Variants in BCL9 observed in about 807,000 individuals in gnomAD.
BCL9 encodes BCL9 transcription coactivator.
BCL9 carries 25 observed loss-of-function variants against 88.5 expected under a neutral mutation model. The observed-to-expected ratio is 0.28, with a 90% confidence interval of 0.21 to 0.39. The LOEUF (loss-of-function observed/expected upper bound fraction) is 0.39. Ranked by LOEUF, BCL9 falls within the 10% of genes least tolerant of loss-of-function variation. The pLI is 1.00. For synonymous variants in BCL9, 711 were observed against 673.3 expected, an observed-to-expected ratio of 1.06 and a Z score of -0.87; for missense variants, 1,817 against 1,877.8, an observed-to-expected ratio of 0.97 and a Z score of 0.60.
Position 147,624,836 on chromosome 1 carries a change from C to T in BCL9, c.4158C>T (p.Gly1386=), listed in dbSNP as rs145861231. The stretch of plus-strand genomic sequence containing the variant: ...CAGGCATGATGATGTCCATGCAGGG[C>T]ATGATGGGACCCCAACAGAACATCA... The part of the protein sequence containing the change: ...GSPGMMMSMQ[G]MMGPQQNIMI... Residue 1386 remains glycine (G), a synonymous_variant, in exon 10 of 10, where the codon GGC becomes GGT. Transcript: ENST00000234739. The surrounding 1 kb of genome is among the most constrained non-coding windows in gnomAD (Gnocchi z 4.4). 15 of 1,614,000 alleles carry T rather than the reference C, an allele frequency of 9.3e-6. No homozygotes were observed. The African/African-American group carries it at 1.9e-4, about 20-fold the overall frequency.
At chr1:147,549,635 G>A (rs1553194609) in intron 1 of BCL9, among the ~76,000 whole-genome samples, 1 of 152,150 alleles carries the variant, frequency 6.6e-6, no homozygotes, top group African/African-American at 2.4e-5. Context: ...GGTTTTAAGT[G>A]CTAAACCCTC....
intron 1 of BCL9, among the ~76,000 whole-genome samples, chr1:147,549,447 G>A (rs1654788949): frequency 1.3e-5 from 2 of 152,060 alleles, no homozygotes; most frequent in Non-Finnish European, 2.9e-5. Context: ...TAATATTTAG[G>A]TAGTAGCTAA....
At chr1:147,555,747 A>G (rs2101484178) in intron 1 of BCL9, among the ~76,000 whole-genome samples, 1 of 152,270 alleles carries the variant, frequency 6.6e-6, no homozygotes, top group South Asian at 2.1e-4. Flanking sequence ...TCTTAAAGAC[A>G]TTTGTGGGGC....
chr1:147,546,032 T>G (rs1654557759), intron 1 of BCL9, among the ~76,000 whole-genome samples: 1 of 152,174 alleles, frequency 6.6e-6, no homozygotes, highest in South Asian at 2.1e-4. Flanking sequence ...ACGTGTTGAC[T>G]TGGCATTAAA....
At chr1:147,550,149 C>G (rs1654819639) in intron 1 of BCL9, among the ~76,000 whole-genome samples, 1 of 152,232 alleles carries the variant, frequency 6.6e-6, no homozygotes, top group Middle Eastern at 3.4e-3. Flanking sequence ...GGTTCTTAGC[C>G]AGCTTAAGGT....
At chr1:147,601,967 A>C (rs587644881) in intron 1 of BCL9, among the ~76,000 whole-genome samples, 4 of 152,130 alleles carry the variant, frequency 2.6e-5, no homozygotes, top group African/African-American at 9.6e-5. Flanking sequence ...GTGGTGCAAT[A>C]TCGGCTCACT....
intron 1 of BCL9, among the ~76,000 whole-genome samples, chr1:147,601,227 A>G (rs1657373453): frequency 6.6e-6 from 1 of 152,196 alleles, no homozygotes. Flanking sequence ...GGGGACTAAT[A>G]AAGTTACTAG....
At chr1:147,617,054 T>G (rs1553203962) in intron 7 of BCL9, among the ~76,000 whole-genome samples, 1 of 152,220 alleles carries the variant, frequency 6.6e-6, no homozygotes, top group African/African-American at 2.4e-5. Context: ...GTCTCCATCT[T>G]TGTAGACATA....
chr1:147,598,754 A>G (rs1241716626), intron 1 of BCL9, among the ~76,000 whole-genome samples: 1 of 152,234 alleles, frequency 6.6e-6, no homozygotes, highest in African/African-American at 2.4e-5. Context: ...CAGTTGCCGA[A>G]GCAGCTAACT....
chr1:147,569,483 A>AAAG (rs1655775419), intron 1 of BCL9, among the ~76,000 whole-genome samples: 1 of 10,794 alleles, frequency 9.3e-5, no homozygotes, highest in Non-Finnish European at 1.5e-4. Flanking sequence ...CAAAAAAAAA[A>AAAG]AAAAAGAAAG....
At chr1:147,543,091 G>A (rs1654406343) in intron 1 of BCL9, among the ~76,000 whole-genome samples, 1 of 152,124 alleles carries the variant, frequency 6.6e-6, no homozygotes, top group African/African-American at 2.4e-5. Context: ...GGAACAGAGG[G>A]CTAAAATCAG....
At chr1:147,604,300 C>T (rs993621713) in intron 1 of BCL9, among the ~76,000 whole-genome samples, 1 of 152,180 alleles carries the variant, frequency 6.6e-6, no homozygotes, top group Non-Finnish European at 1.5e-5. Flanking sequence ...GTTAAGAACT[C>T]TTACCCTAGA....
chr1:147,552,974 A>ATT (rs1553194994), intron 1 of BCL9, among the ~76,000 whole-genome samples: 1 of 44,188 alleles, frequency 2.3e-5, no homozygotes, highest in African/African-American at 1.9e-4. Flanking sequence ...GGGAATTTCC[A>ATT]ATTTTTTTTT....
chr1:147,605,153 G>A lies in BCL9; in HGVS notation c.-343+242G>A, dbSNP rs587644706. On this transcript the variant is annotated intron_variant, in intron 2 of 9. Coordinates refer to ENST00000234739, the MANE Select transcript of BCL9 (RefSeq NM_004326.4). ...ATAGGGCCAAGGATAAAGGCAGGTG[G>A]TGAGAAGTTAAACAGGTATTTATCA... Among the ~76,000 whole-genome samples, 3 of 152,346 alleles carry A rather than the reference G, an allele frequency of 2.0e-5. No individual in the cohort carries two copies. In the South Asian group the frequency reaches 6.2e-4, roughly 32 times the overall value.
chr1:147,572,404 T>C (rs1176049633), intron 1 of BCL9, among the ~76,000 whole-genome samples: 1 of 152,196 alleles, frequency 6.6e-6, no homozygotes, highest in African/African-American at 2.4e-5. Context: ...AAGAGACAAG[T>C]GACCAATGTG....
At chr1:147,623,353 G>T (rs1359144573) in intron 9 of BCL9, among the ~76,000 whole-genome samples, 2 of 152,034 alleles carry the variant, frequency 1.3e-5, no homozygotes, top group South Asian at 2.1e-4. Context: ...TGAACATTTC[G>T]TGGAATCTCG....
chr1:147,572,713 G>A (rs1428103104), intron 1 of BCL9, among the ~76,000 whole-genome samples: 2 of 152,198 alleles, frequency 1.3e-5, no homozygotes, highest in Non-Finnish European at 2.9e-5. Flanking sequence ...CTGAGTAGCT[G>A]GGACTACAGG....
At chr1:147,593,402 A>G (rs184731008) in intron 1 of BCL9, among the ~76,000 whole-genome samples, 18 of 152,006 alleles carry the variant, frequency 1.2e-4, no homozygotes, top group African/African-American at 4.3e-4. Context: ...TGCCTGGCTG[A>G]CTCCTACGCA....
chr1:147,587,184 G>C (rs1457309996), intron 1 of BCL9, among the ~76,000 whole-genome samples: 1 of 151,686 alleles, frequency 6.6e-6, no homozygotes, highest in Non-Finnish European at 1.5e-5. Context: ...CCCCATAGCC[G>C]CTAAGTCACT....
Sources: allele counts gnomAD v4.1 joint callset (sites outside exome capture counted in the v4.1 genomes callset), GRCh38; gene constraint gnomAD v4.1.1; non-coding constraint Gnocchi (gnomAD v3.1); transcripts MANE v1.5; gene names NCBI Gene and HGNC (gene_info 2026-07-23, HGNC 2026-07-21).